Variants in FHIT observed in about 807,000 individuals in gnomAD.
FHIT encodes fragile histidine triad diadenosine triphosphatase.
FHIT carries 19 observed loss-of-function variants against 17.9 expected under a neutral mutation model. The observed-to-expected ratio is 1.06, with a 90% CI of 0.74 to 1.56. FHIT has a LOEUF of 1.56. FHIT is among the 40% of genes most tolerant of loss of function. The pLI, the probability that FHIT is intolerant of heterozygous loss-of-function variation, is 0.00. For synonymous variants in FHIT, 81 were observed against 69.7 expected (o/e 1.16, Z -0.81); for missense variants, 248 against 189.2 (o/e 1.31, Z -1.82).
In FHIT at chr3:60,491,662, G is replaced by T. The variant is rs544134966; in HGVS notation, c.103+45198C>A. The stretch of plus-strand genomic sequence containing the variant: ...TCAATTTAATGAACATCTACAGCTG[G>T]AGTGCTTTCGTTCTGTATGATATTT... On this transcript the variant is annotated intron_variant, in intron 5 of 9. Transcript: ENST00000492590. Among the ~76,000 whole-genome samples the T allele has an allele frequency of 2.2e-3, 328 of 152,104 alleles. 1 individual carries two copies. Among genetic ancestry groups the T allele is most frequent in the Non-Finnish European group, 2.2e-3 (148 of 68,024 alleles).
intron 5 of FHIT, among the ~76,000 whole-genome samples, chr3:60,403,353 T>C (rs953416710): frequency 6.6e-6 from 1 of 152,164 alleles, no homozygotes; most frequent in African/African-American, 2.4e-5. Flanking sequence ...CCTCCTTTTC[T>C]GAGAACTATC....
intron 5 of FHIT, among the ~76,000 whole-genome samples, chr3:60,485,655 G>GT (rs374253442): frequency 6.6e-6 from 1 of 151,848 alleles, no homozygotes; most frequent in African/African-American, 2.4e-5. Flanking sequence ...CCTGTTGGGG[G>GT]TGGGGGGCAA....
At chr3:60,776,291 C>T (rs1206856736) in intron 4 of FHIT, among the ~76,000 whole-genome samples, 1 of 152,166 alleles carries the variant, frequency 6.6e-6, no homozygotes. Flanking sequence ...TTCTGCCTGC[C>T]TGTGTGTGTA....
rs547548325 is a variant in FHIT at position 60,183,819 on chromosome 3, C to T, written c.104-169667G>A. 4.7e-4 allele frequency among the ~76,000 whole-genome samples: 71 copies of T among 152,056 alleles called. 1 individual carries two copies. Among genetic ancestry groups the T allele is most frequent in the African/African-American group, 1.6e-3 (68 of 41,428 alleles). Reference sequence around the variant, plus strand: ...TCCTGATGACAGTCAACAGCGTTAACGTTTTTACTTTTTAATTTTAGACTA... The same window carrying T: ...TCCTGATGACAGTCAACAGCGTTAATGTTTTTACTTTTTAATTTTAGACTA... On this transcript the variant is annotated intron_variant, in intron 5 of 9. Coordinates refer to ENST00000492590, the MANE Select transcript of FHIT (RefSeq NM_002012.4).
At chr3:60,624,178 T>C (rs1288092901) in intron 4 of FHIT, among the ~76,000 whole-genome samples, 4 of 152,148 alleles carry the variant, frequency 2.6e-5, no homozygotes, top group African/African-American at 4.8e-5. Context: ...CAAAAGCCAG[T>C]AGGACGTATG....
At chr3:61,215,495 C>G (rs36197522) in intron 1 of FHIT, among the ~76,000 whole-genome samples, 21,606 of 152,010 alleles carry the variant, frequency 0.14, 1,664 homozygotes, top group African/African-American at 0.16. Flanking sequence ...AAATAAAAGA[C>G]GATACAAACA....
chr3:60,186,281 CATTT>C (rs1430913156), intron 5 of FHIT, among the ~76,000 whole-genome samples: 1 of 151,860 alleles, frequency 6.6e-6, no homozygotes, highest in Non-Finnish European at 1.5e-5. Context: ...GTCTATTATT[CATTT>C]GAGTTTTTTT....
At chr3:60,299,501 GTTA>G (rs1310617115) in intron 5 of FHIT, among the ~76,000 whole-genome samples, 1 of 152,078 alleles carries the variant, frequency 6.6e-6, no homozygotes, top group Non-Finnish European at 1.5e-5. Flanking sequence ...TAAGTTGACA[GTTA>G]TTTTCTTTCA....
At chr3:61,084,128 C>T (rs2035233616) in intron 2 of FHIT, among the ~76,000 whole-genome samples, 1 of 152,170 alleles carries the variant, frequency 6.6e-6, no homozygotes, top group Admixed American at 6.5e-5. Flanking sequence ...TTTTTCCCTG[C>T]CCTGATACCC....
intron 5 of FHIT, among the ~76,000 whole-genome samples, chr3:60,459,569 G>A (rs2032328365): frequency 6.6e-6 from 1 of 152,136 alleles, no homozygotes; most frequent in Admixed American, 6.5e-5. Flanking sequence ...ACAATAAGCT[G>A]CCAAAAAGCA....
intron 3 of FHIT, among the ~76,000 whole-genome samples, chr3:60,991,331 G>A (rs763450015): frequency 3.9e-5 from 6 of 152,192 alleles, no homozygotes; most frequent in African/African-American, 7.2e-5. Context: ...TGAGGTCAGG[G>A]AGTGGGGGCA....
chr3:60,601,667 G>A (rs2038449505), intron 4 of FHIT, among the ~76,000 whole-genome samples: 1 of 152,172 alleles, frequency 6.6e-6, no homozygotes, highest in Admixed American at 6.5e-5. Context: ...AGGAGAGGGT[G>A]GGGAATGGCA....
chr3:60,160,455 C>T (rs116051322), intron 5 of FHIT, among the ~76,000 whole-genome samples: 130 of 152,264 alleles, frequency 8.5e-4, no homozygotes, highest in Non-Finnish European at 1.5e-3. Context: ...ATTGTTTTTA[C>T]AACTATCTTT....
chr3:60,634,128 C>T (rs1178045678), intron 4 of FHIT, among the ~76,000 whole-genome samples: 1 of 152,160 alleles, frequency 6.6e-6, no homozygotes, highest in Non-Finnish European at 1.5e-5. Context: ...CTCCTCTGAG[C>T]TTCACTTTCC....
intron 5 of FHIT, among the ~76,000 whole-genome samples, chr3:60,391,532 A>G (rs1701233106): frequency 6.6e-6 from 1 of 152,186 alleles, no homozygotes. Context: ...AGCTCCATCC[A>G]TGGTAAGTGC....
chr3:60,563,032 G>T, intron 4 of FHIT, among the ~76,000 whole-genome samples: 1 of 152,298 alleles, frequency 6.6e-6, no homozygotes, highest in Non-Finnish European at 1.5e-5. Flanking sequence ...AAAATGGCTA[G>T]CCTTTGGAAG....
intron 2 of FHIT, among the ~76,000 whole-genome samples, chr3:61,127,547 C>T (rs2036643538): frequency 6.6e-6 from 1 of 152,070 alleles, no homozygotes; most frequent in African/African-American, 2.4e-5. Flanking sequence ...TCATCTCTCA[C>T]AGTTAAATAT....
chr3:59,788,753 A>G (rs1369014962), intron 8 of FHIT, among the ~76,000 whole-genome samples: 1 of 152,062 alleles, frequency 6.6e-6, no homozygotes, highest in Non-Finnish European at 1.5e-5. Context: ...TGCCACCCAC[A>G]TCTGTGTTCT....
At chr3:60,650,238 C>T (rs1444248242) in intron 4 of FHIT, among the ~76,000 whole-genome samples, 1 of 152,192 alleles carries the variant, frequency 6.6e-6, no homozygotes, top group Non-Finnish European at 1.5e-5. Flanking sequence ...AAACATACTA[C>T]AGAACACATG....
Sources: gnomAD v4.1 joint callset for allele counts (sites outside exome capture counted in the v4.1 genomes callset) on GRCh38, gnomAD v4.1.1 for gene constraint, MANE v1.5 for transcripts, NCBI Gene and HGNC (gene_info 2026-07-23, HGNC 2026-07-21) for gene names.